The following SLC24A2 variants were observed in gnomAD, a reference collection of about 807,000 sequenced individuals.
SLC24A2 encodes the protein sodium/potassium/calcium exchanger 2.
A neutral mutation model predicts 62.0 loss-of-function variants in SLC24A2; 36 were observed. That is an observed-to-expected ratio of 0.58 (90% confidence interval 0.44 to 0.77). SLC24A2 has a LOEUF of 0.77. Among genes scored for constraint, SLC24A2 ranks in the 30% least tolerant of loss-of-function variants. SLC24A2 has a pLI of 0.00. For missense variants in SLC24A2, 846 were observed against 817.9 expected (o/e 1.03, Z -0.42); for synonymous variants, 358 against 294.0 (o/e 1.22, Z -2.23).
the SLC24A2 span, among the ~76,000 whole-genome samples, chr9:20,202,147 G>C: frequency 2.6e-5 from 4 of 151,694 alleles, no homozygotes; most frequent in African/African-American, 9.7e-5. Flanking sequence ...GCAAATTGCT[G>C]AGATATATGA....
intron 8 of SLC24A2, among the ~76,000 whole-genome samples, chr9:19,545,398 G>A (rs1317106003): frequency 6.6e-6 from 1 of 151,886 alleles, no homozygotes; most frequent in African/African-American, 2.4e-5. Context: ...AGAGGAGTTT[G>A]TTATTACCCA....
At chr9:20,045,433 TATTATC>T in the SLC24A2 span, among the ~76,000 whole-genome samples, 2 of 152,002 alleles carry the variant, frequency 1.3e-5, no homozygotes, top group African/African-American at 4.8e-5. Context: ...TTATTATTAT[TATTATC>T]ATTATTTTTC....
intron 2 of SLC24A2, among the ~76,000 whole-genome samples, chr9:19,684,956 C>G (rs562220979): frequency 1.8e-4 from 28 of 152,196 alleles, no homozygotes; most frequent in African/African-American, 5.3e-4. Context: ...AAACAACACC[C>G]TCTCTCCAAA....
At chr9:20,237,028 G>A in the SLC24A2 span, among the ~76,000 whole-genome samples, 1 of 152,022 alleles carries the variant, frequency 6.6e-6, no homozygotes, top group Non-Finnish European at 1.5e-5. Context: ...CACACTGTCA[G>A]GCTAAGCTGG....
At chr9:19,956,437 T>G in the SLC24A2 span, among the ~76,000 whole-genome samples, 4 of 152,240 alleles carry the variant, frequency 2.6e-5, no homozygotes, top group African/African-American at 9.6e-5. Context: ...GCGGTGGCTT[T>G]TTGGTTGTGA....
At chr9:19,595,675 G>C (rs1836685586) in intron 5 of SLC24A2, among the ~76,000 whole-genome samples, 2 of 151,966 alleles carry the variant, frequency 1.3e-5, no homozygotes, top group African/African-American at 4.8e-5. Context: ...GGGAACACTT[G>C]GACAACATTT....
At chr9:20,135,474 C>T in the SLC24A2 span, among the ~76,000 whole-genome samples, 2 of 151,896 alleles carry the variant, frequency 1.3e-5, no homozygotes, top group Non-Finnish European at 2.9e-5. Flanking sequence ...CTTAGCTTAT[C>T]GTGGGGTAAG....
the SLC24A2 span, among the ~76,000 whole-genome samples, chr9:19,993,571 T>C: frequency 1.3e-5 from 2 of 152,174 alleles, no homozygotes; most frequent in Non-Finnish European, 1.5e-5. Flanking sequence ...ACGGTTAACA[T>C]TTATAGAGTA....
At chr9:19,567,129 AGAACTT>A (rs1024192706) in intron 7 of SLC24A2, among the ~76,000 whole-genome samples, 1 of 150,908 alleles carries the variant, frequency 6.6e-6, no homozygotes, top group Non-Finnish European at 1.5e-5. Flanking sequence ...TATATATAAA[AGAACTT>A]AAAGTATAAT....
At chr9:20,293,866 G>T in the SLC24A2 span, among the ~76,000 whole-genome samples, 1 of 152,086 alleles carries the variant, frequency 6.6e-6, no homozygotes, top group African/African-American at 2.4e-5. Context: ...CTTCAGCAGA[G>T]ATCAGTCCAT....
At chr9:19,941,556 AGT>A in the SLC24A2 span, among the ~76,000 whole-genome samples, 442 of 134,140 alleles carry the variant, frequency 3.3e-3, 2 homozygotes, top group East Asian at 8.1e-3. Flanking sequence ...GAGGACTGGG[AGT>A]GTGTGTGTGT....
At chr9:19,564,467 A>G (rs570442101) in intron 7 of SLC24A2, among the ~76,000 whole-genome samples, 1 of 152,334 alleles carries the variant, frequency 6.6e-6, no homozygotes, top group African/African-American at 2.4e-5. Context: ...ATTGTAAAGT[A>G]AGAATAAAAT....
the SLC24A2 span, among the ~76,000 whole-genome samples, chr9:20,290,256 A>G: frequency 2.0e-5 from 3 of 152,368 alleles, no homozygotes; most frequent in African/African-American, 7.2e-5. Context: ...TTTAATACTA[A>G]GATGGACCCA....
the SLC24A2 span, among the ~76,000 whole-genome samples, chr9:19,921,518 T>TAAA: frequency 1.0e-3 from 125 of 123,164 alleles, no homozygotes; most frequent in East Asian, 2.3e-3. Context: ...AGACTCCGTG[T>TAAA]AAAAAAAAAA....
intron 2 of SLC24A2, among the ~76,000 whole-genome samples, chr9:19,768,681 T>A (rs1822590965): frequency 6.6e-6 from 1 of 152,236 alleles, no homozygotes; most frequent in Non-Finnish European, 1.5e-5. Context: ...ATGGCAGCAC[T>A]CAACTTAAAC....
the SLC24A2 span, among the ~76,000 whole-genome samples, chr9:20,141,719 T>C: frequency 2.6e-5 from 4 of 152,018 alleles, no homozygotes; most frequent in African/African-American, 4.8e-5. Flanking sequence ...AGCGTCCTTA[T>C]GCTCACTCAA....
intron 3 of SLC24A2, among the ~76,000 whole-genome samples, chr9:19,620,802 C>T (rs1400064794): frequency 2.0e-5 from 3 of 152,160 alleles, no homozygotes; most frequent in Non-Finnish European, 2.9e-5. Context: ...ATTGAACTTT[C>T]AGCGTAAAAG....
chr9:19,654,092 T>C (rs13290897), intron 2 of SLC24A2, among the ~76,000 whole-genome samples: 116,061 of 152,058 alleles, frequency 0.76, 44,448 homozygotes, highest in East Asian at 0.87. Context: ...ATCCCCAACC[T>C]ATGACCCCAA....
intron 7 of SLC24A2, among the ~76,000 whole-genome samples, chr9:19,567,037 A>G (rs1835680295): frequency 6.6e-6 from 1 of 152,148 alleles, no homozygotes; most frequent in Non-Finnish European, 1.5e-5. Context: ...GCGGCACACC[A>G]ACATGGCACA....
Sources: gnomAD v4.1 joint callset for allele counts (sites outside exome capture counted in the v4.1 genomes callset) on GRCh38, gnomAD v4.1.1 for gene constraint, MANE v1.5 for transcripts, NCBI Gene and HGNC (gene_info 2026-07-23, HGNC 2026-07-21) for gene names.